Variants in CRAMP1 observed in about 807,000 individuals in gnomAD.
CRAMP1 encodes protein cramped-like.
Under a neutral mutation model 115.4 loss-of-function variants are expected in CRAMP1, and 50 were observed. The ratio of observed to expected loss-of-function variants is 0.43; its 90% CI spans 0.35 to 0.55. CRAMP1 has a LOEUF of 0.55. Among genes scored for constraint, CRAMP1 ranks in the 20% least tolerant of loss-of-function variants. The probability of loss-of-function intolerance (pLI) is 0.01; values close to 1 mark genes in which losing one functional copy is unlikely to be tolerated. For synonymous variants in CRAMP1, 866 were observed against 745.4 expected, an observed-to-expected ratio of 1.16 and a Z score of -2.64; for missense variants, 1,679 against 1,721.7, an observed-to-expected ratio of 0.98 and a Z score of 0.44.
intron 4 of CRAMP1, among the ~76,000 whole-genome samples, chr16:1,636,136 C>T (rs2036586810): frequency 6.6e-6 from 1 of 152,040 alleles, no homozygotes; most frequent in South Asian, 2.1e-4. Flanking sequence ...TTTGGGAGGC[C>T]GAGGTGGGCG....
rs2036928850 is a variant in CRAMP1, at chr16:1,672,267, A to G, written c.3645+1458A>G. The stretch of plus-strand genomic sequence containing the variant: ...GTAGCAGAGAAAGGGTGCAGTTAGT[A>G]TTTGTGAAACGCTGCCCGTCGCGAG... On this transcript the variant is annotated intron_variant, in intron 20 of 20. Coordinates refer to ENST00000397412, the MANE Select transcript of CRAMP1 (RefSeq NM_020825.4). This position sits in a 1 kb window ranked among gnomAD's most constrained non-coding sequence, Gnocchi z 4.9. 6.6e-6 allele frequency among the ~76,000 whole-genome samples: 1 copy of G among 152,208 alleles called. No individual in the cohort carries two copies. The highest frequency in any genetic ancestry group is 1.5e-5 in the Non-Finnish European group (1 of 68,042).
chr16:1,660,079 C>T lies in CRAMP1; in HGVS notation c.2413+16C>T. ...TGCTCCTCAGGTGAGGCTGTGGCAG[C>T]CACACTCCTTGTGCCTGGGCTGCCC... On this transcript the variant is annotated intron_variant, in intron 11 of 20. Transcript: ENST00000397412. 3 of 1,530,700 alleles carry T rather than the reference C, an allele frequency of 2.0e-6. No individual in the cohort carries two copies. Among genetic ancestry groups the T allele is most frequent in the Non-Finnish European group, 2.6e-6 (3 of 1,147,950 alleles). 94.8% of individuals were successfully genotyped at this position (1,530,700 alleles called of 1,614,324 possible).
intron 18 of CRAMP1, 145 bp from the exon 19 acceptor site, chr16:1,668,856 C>G (rs966887036): frequency 7.9e-6 from 6 of 763,622 alleles, no homozygotes; most frequent in Non-Finnish European, 1.3e-5. Flanking sequence ...TGCTGCGCTC[C>G]TTACCTGCCG....
In CRAMP1 at chr16:1,662,912, C is replaced by G. The variant is rs567451232; in HGVS notation, c.2670+77C>G. On this transcript the variant is annotated intron_variant, in intron 13 of 20. Transcript: ENST00000397412. ...GACACAGGGCTTCTTCCCTCTCTCA[C>G]ATTTTCATGGTGTAAAATGTGGGAA... 6.0e-5 allele frequency: 69 copies of G among 1,150,852 alleles called. No homozygotes were observed. In the African/African-American group the frequency reaches 8.7e-4, roughly 14 times the overall value. The allele number at this position is 1,150,852 out of a possible 1,614,324, so 71.3% of individuals were successfully genotyped here.
At chr16:1,658,690 G>A (rs12934012) in intron 10 of CRAMP1, among the ~76,000 whole-genome samples, 15,489 of 152,232 alleles carry the variant, frequency 0.1, 873 homozygotes, top group African/African-American at 0.12. Flanking sequence ...AGATGCCGGA[G>A]GCTGCTGAGC....
intron 20 of CRAMP1, among the ~76,000 whole-genome samples, chr16:1,673,415 G>A (rs748333936): frequency 7.9e-5 from 12 of 152,130 alleles, no homozygotes; most frequent in Non-Finnish European, 1.2e-4. Flanking sequence ...TCATGTCTAT[G>A]ATGGAAACGT....
At position 1,625,953 on chromosome 16, in the gene CRAMP1, TA is replaced by T; in HGVS notation, c.347-19del. The T allele has an allele frequency of 6.4e-7, 1 of 1,551,258 alleles. No homozygotes were observed. The highest frequency in any genetic ancestry group is 8.7e-7 in the Non-Finnish European group (1 of 1,146,820). ...GCCAGCTTTCTGGAACAGATCACTGTACGGTGCTTTCTCTCCAAGGAGCTGA... is the reference window on the plus strand; with the variant it reads ...GCCAGCTTTCTGGAACAGATCACTGTCGGTGCTTTCTCTCCAAGGAGCTGA... On this transcript the variant is annotated intron_variant, in intron 2 of 20. Coordinates refer to ENST00000397412, the MANE Select transcript of CRAMP1 (RefSeq NM_020825.4).
chr16:1,670,502 A>T, intron 19 of CRAMP1, 162 bp from the exon 20 acceptor site: 1 of 704,804 alleles, frequency 1.4e-6, no homozygotes. Context: ...AGAGCTCGTC[A>T]CGGCGTGTTG....
chr16:1,620,010 G>A (rs1041421137), intron 2 of CRAMP1, among the ~76,000 whole-genome samples: 1 of 152,192 alleles, frequency 6.6e-6, no homozygotes, highest in African/African-American at 2.4e-5. Flanking sequence ...ACCACTGCGT[G>A]TGCATGACGA....
At chr16:1,628,394 C>T (rs2036523283) in intron 3 of CRAMP1, among the ~76,000 whole-genome samples, 1 of 152,162 alleles carries the variant, frequency 6.6e-6, no homozygotes, top group Non-Finnish European at 1.5e-5. Flanking sequence ...GCTGGGATCA[C>T]AGGTGCCCGC....
intron 8 of CRAMP1, 28 bp downstream of exon 8, chr16:1,653,184 G>T: frequency 6.3e-7 from 1 of 1,597,830 alleles, no homozygotes; most frequent in Non-Finnish European, 8.5e-7. Context: ...ACGCAGAGGG[G>T]TCCCAACTGC....
chr16:1,645,004 T>C (rs555087732), intron 6 of CRAMP1, among the ~76,000 whole-genome samples: 13 of 151,780 alleles, frequency 8.6e-5, no homozygotes, highest in Non-Finnish European at 1.3e-4. Flanking sequence ...ACCTGACCCA[T>C]TTTTTGCTTT....
Position 1,662,502 on chromosome 16 carries a change from C to T in CRAMP1, c.2426C>T (p.Pro809Leu), listed in dbSNP as rs757079031. 1.9e-6 allele frequency: 3 copies of T among 1,613,838 alleles called. No individual in the cohort carries two copies. The highest frequency in any genetic ancestry group is 1.7e-6 in the Non-Finnish European group (2 of 1,179,776). Reference protein sequence around the residue: ...SAPCSSGLRNPPRPLLVPGPS... With the variant: ...SAPCSSGLRNLPRPLLVPGPS... Reference sequence around the variant, plus strand: ...TCTCCTCTCCCAGGTTTGAGAAACCCTCCAAGACCCCTCTTGGTGCCTGGT... The same window carrying T: ...TCTCCTCTCCCAGGTTTGAGAAACCTTCCAAGACCCCTCTTGGTGCCTGGT... The change falls in exon 12 of 21, where the codon CCT becomes CTT. Residue 809 changes from proline to leucine, a missense_variant. Pro to Leu is a moderately conservative substitution (Grantham distance 98, BLOSUM62 -3). Transcript: ENST00000397412.
intron 2 of CRAMP1, among the ~76,000 whole-genome samples, chr16:1,622,580 C>T (rs770736422): frequency 3.3e-5 from 5 of 152,032 alleles, no homozygotes; most frequent in Non-Finnish European, 7.4e-5. Flanking sequence ...TTACTTGGGG[C>T]GATTTGCTTT....
At chr16:1,634,412 T>A (rs1180445136) in intron 4 of CRAMP1, among the ~76,000 whole-genome samples, 1 of 152,142 alleles carries the variant, frequency 6.6e-6, no homozygotes, top group Non-Finnish European at 1.5e-5. Context: ...AATCCTAAAC[T>A]TGCTGGTGCG....
At chr16:1,646,921 G>T (rs1284698985) in intron 6 of CRAMP1, 5 of 631,738 alleles carry the variant, frequency 7.9e-6, no homozygotes, top group African/African-American at 3.6e-5. Context: ...CCATTGAGTG[G>T]CCTTTGCATC....
intron 6 of CRAMP1, among the ~76,000 whole-genome samples, chr16:1,642,734 A>G (rs1469667131): frequency 6.6e-6 from 1 of 152,238 alleles, no homozygotes; most frequent in Non-Finnish European, 1.5e-5. Flanking sequence ...CATGAGGGAA[A>G]ACACTGCCGC....
intron 2 of CRAMP1, among the ~76,000 whole-genome samples, chr16:1,621,425 G>T (rs925103488): frequency 2.6e-5 from 4 of 152,224 alleles, no homozygotes; most frequent in Admixed American, 6.5e-5. Context: ...TTACTTGGGC[G>T]GCAGAGAGCT....
At chr16:1,659,546 C>A (rs550520221) in intron 10 of CRAMP1, among the ~76,000 whole-genome samples, 1 of 152,232 alleles carries the variant, frequency 6.6e-6, no homozygotes, top group East Asian at 1.9e-4. Context: ...CACCACCACA[C>A]CCGGCTAATT....
Sources: allele counts gnomAD v4.1 joint callset (sites outside exome capture counted in the v4.1 genomes callset), GRCh38; gene constraint gnomAD v4.1.1; non-coding constraint Gnocchi (gnomAD v3.1); transcripts MANE v1.5; gene names NCBI Gene and HGNC (gene_info 2026-07-23, HGNC 2026-07-21).